OR1I1: variants seen among roughly 807,000 people sequenced by gnomAD.
OR1I1 encodes the protein olfactory receptor family 1 subfamily I member 1.
For missense variants in OR1I1, 451 were observed against 443.6 expected (o/e 1.02, Z -0.15); for synonymous variants, 171 against 181.4 (o/e 0.94, Z 0.46).
Position 15,092,734 on chromosome 19 carries a change from G to A in OR1I1, c.*4601G>A, listed in dbSNP as rs1230855132. The A allele has an allele frequency of 6.6e-6, 1 of 152,212 alleles. No individual in the cohort carries two copies. The highest frequency in any genetic ancestry group is 2.4e-5 in the African/African-American group (1 of 41,424). The allele number at this position is 152,212 out of a possible 1,614,324, so 9.4% of individuals were successfully genotyped here. On this transcript the variant is annotated 3_prime_UTR_variant, in exon 2 of 2. Coordinates refer to ENST00000641398, the MANE Select transcript of OR1I1 (RefSeq NM_001004713.2). ...CTCTAGGCCAGGTGCATTCACTCAT[G>A]CCTGTAATCCCAGCACTTTGAGAGG...
Position 15,087,182 on chromosome 19 carries a change from C to T in OR1I1, c.117C>T (p.Ile39=). 6.2e-7 allele frequency: 1 copy of T among 1,614,108 alleles called. No homozygotes were observed. The highest frequency in any genetic ancestry group is 8.5e-7 in the Non-Finnish European group (1 of 1,179,998). ...TMFLSTYLVT[I]IGNALIILAI... ...TCCTCTCCACATACCTGGTCACCATCATTGGAAATGCCCTCATTATCCTGG... is the reference window on the plus strand; with the variant it reads ...TCCTCTCCACATACCTGGTCACCATTATTGGAAATGCCCTCATTATCCTGG... Residue 39 remains isoleucine, a synonymous_variant, in exon 2 of 2, where the codon ATC becomes ATT. Transcript: ENST00000641398.
chr19:15,085,333 G>C (rs992881652), intron 1 of OR1I1, among the ~76,000 whole-genome samples: 1 of 151,350 alleles, frequency 6.6e-6, no homozygotes, highest in East Asian at 1.9e-4. Context: ...ACAACGCCTA[G>C]CTAATTTTGT....
chr19:15,084,688 A>C (rs983816396), intron 1 of OR1I1, among the ~76,000 whole-genome samples: 1 of 152,140 alleles, frequency 6.6e-6, no homozygotes, highest in Non-Finnish European at 1.5e-5. Context: ...TATGTAACAA[A>C]CCTGCACGTC....
chr19:15,082,769 G>C (rs1338290742), intron 1 of OR1I1, among the ~76,000 whole-genome samples: 1 of 104,400 alleles, frequency 9.6e-6, no homozygotes, highest in Non-Finnish European at 2.3e-5. Flanking sequence ...ATGAGTTTGG[G>C]AGCGGGGGGG....
In OR1I1 at chr19:15,088,340, G is replaced by C; in HGVS notation, c.*207G>C. 1 of 566,164 alleles carries C rather than the reference G, an allele frequency of 1.8e-6. No individual in the cohort carries two copies. Among genetic ancestry groups the C allele is most frequent in the South Asian group, 2.4e-5 (1 of 41,972 alleles). 35.1% of individuals were successfully genotyped at this position (566,164 alleles called of 1,614,324 possible). A position where few individuals can be genotyped will look rare whatever the true frequency, so the allele number is the denominator to read the frequency against. On this transcript the variant is annotated 3_prime_UTR_variant, in exon 2 of 2. Coordinates refer to ENST00000641398, the MANE Select transcript of OR1I1 (RefSeq NM_001004713.2). Reference sequence around the variant, plus strand: ...ATAAGAGTAGTTGAAAACAAGAGACGTAGCTACACTCATTTTAGTATTGAC... The same window carrying C: ...ATAAGAGTAGTTGAAAACAAGAGACCTAGCTACACTCATTTTAGTATTGAC...
At chr19:15,085,072 G>C (rs114768583) in intron 1 of OR1I1, among the ~76,000 whole-genome samples, 1 of 147,062 alleles carries the variant, frequency 6.8e-6, no homozygotes, top group East Asian at 2.0e-4. Context: ...CACATTGAAG[G>C]TGGGCTAGGC....
In OR1I1 at chr19:15,087,855, T is replaced by A. The variant is rs144766527; in HGVS notation, c.790T>A (p.Ser264Thr). ...CTTTGCTGTGTACTTACAGCCCACA[T>A]CCCCCAGCTCCTCCCAGAAGGACAA... The part of the protein sequence containing the change: ...TIFAVYLQPT[S>T]PSSSQKDKAA... The change falls in exon 2 of 2, where the codon TCC becomes ACC. Residue 264 changes from serine to threonine, a missense_variant. Ser to Thr is a moderately conservative substitution (Grantham distance 58). Coordinates refer to ENST00000641398, the MANE Select transcript of OR1I1 (RefSeq NM_001004713.2). 21,136 of 1,614,100 alleles carry A rather than the reference T, an allele frequency of 0.013. 168 individuals are homozygous for A. Among genetic ancestry groups the A allele is most frequent in the Non-Finnish European group, 0.015 (17,200 of 1,180,018 alleles).
At chr19:15,086,958 A>G in intron 1 of OR1I1, 95 bp from the exon 2 acceptor site, 11 of 1,456,246 alleles carry the variant, frequency 7.6e-6, no homozygotes, top group African/African-American at 1.4e-5. Flanking sequence ...TGGAATTTTC[A>G]CAGAACAGTA....
In OR1I1 at chr19:15,088,026, G is replaced by A. The variant is rs2046238965; in HGVS notation, c.961G>A (p.Val321Ile). ...PCPRPEQLLD[V>I]YHVPGSLLAA... is the part of the protein sequence containing the mutation. ...TCCTAGGCCAGAACAGTTATTGGAT[G>A]TTTATCATGTTCCAGGATCACTGTT... Residue 321 changes from valine to isoleucine, a missense_variant, in exon 2 of 2, where the codon GTT becomes ATT. Coordinates refer to ENST00000641398, the MANE Select transcript of OR1I1 (RefSeq NM_001004713.2). The A allele has an allele frequency of 6.2e-7, 1 of 1,613,396 alleles. No individual in the cohort carries two copies. The highest frequency in any genetic ancestry group is 8.5e-7 in the Non-Finnish European group (1 of 1,179,494).
Position 15,088,469 on chromosome 19 carries a change from A to G in OR1I1, c.*336A>G. 1 of 273,868 alleles carries G rather than the reference A, an allele frequency of 3.7e-6. No homozygotes were observed. The highest frequency in any genetic ancestry group is 4.6e-5 in the South Asian group (1 of 21,904). 17.0% of individuals were successfully genotyped at this position (273,868 alleles called of 1,614,324 possible). A position where few individuals can be genotyped will look rare whatever the true frequency, so the allele number is the denominator to read the frequency against. The stretch of plus-strand genomic sequence containing the variant: ...AGTTTGAGACCAGCCTGGGCAACAT[A>G]CAGAGACCCTATCTCCACACACACA... On this transcript the variant is annotated 3_prime_UTR_variant, in exon 2 of 2. Transcript: ENST00000641398.
In OR1I1 at chr19:15,088,307, C is replaced by A; in HGVS notation, c.*174C>A. 1.4e-6 allele frequency: 1 copy of A among 700,084 alleles called. No homozygotes were observed. Among genetic ancestry groups the A allele is most frequent in the Non-Finnish European group, 2.3e-6 (1 of 435,388 alleles). The allele number at this position is 700,084 out of a possible 1,614,324, so 43.4% of individuals were successfully genotyped here. ...CTGGAGGATCAGCCTTTTAGGATTGCTATGTGAATAAGAGTAGTTGAAAAC... is the reference window on the plus strand; with the variant it reads ...CTGGAGGATCAGCCTTTTAGGATTGATATGTGAATAAGAGTAGTTGAAAAC... On this transcript the variant is annotated 3_prime_UTR_variant, in exon 2 of 2. Transcript: ENST00000641398.
At position 15,091,381 on chromosome 19, in the gene OR1I1, C is replaced by A. The variant is rs2046255666; in HGVS notation, c.*3248C>A. ...TCTACTAAAAATACGAAAATTAGGCCGGGCACAGTGGCTCATGCCTGTAAT... is the reference window on the plus strand; with the variant it reads ...TCTACTAAAAATACGAAAATTAGGCAGGGCACAGTGGCTCATGCCTGTAAT... On this transcript the variant is annotated 3_prime_UTR_variant, in exon 2 of 2. Transcript: ENST00000641398. 1 of 152,108 alleles carries A rather than the reference C, an allele frequency of 6.6e-6. No homozygotes were observed. The highest frequency in any genetic ancestry group is 1.5e-5 in the Non-Finnish European group (1 of 68,056). The allele number at this position is 152,108 out of a possible 1,614,324, so 9.4% of individuals were successfully genotyped here.
chr19:15,085,168 ATATATATATT>A (rs1449019882), intron 1 of OR1I1, among the ~76,000 whole-genome samples: 4 of 18,824 alleles, frequency 2.1e-4, no homozygotes, highest in Admixed American at 1.0e-3. Context: ...ATATATATAT[ATATATATATT>A]TTTTTTTTTG....
chr19:15,086,928 A>C (rs973598606), intron 1 of OR1I1, 125 bp from the exon 2 acceptor site: 1 of 1,414,048 alleles, frequency 7.1e-7, no homozygotes, highest in East Asian at 2.5e-5. Flanking sequence ...ACTGAACACA[A>C]AGGAATTTGA....
chr19:15,090,889 C>T lies in OR1I1; in HGVS notation c.*2756C>T, dbSNP rs1050165876. On this transcript the variant is annotated 3_prime_UTR_variant, in exon 2 of 2. Transcript: ENST00000641398. ...GCAGGTGTAAACCACCACACTCGGC[C>T]TGATTTGTGGTACTTTGTTGCAACA... is the stretch of plus-strand genomic sequence containing the variant. 6.6e-6 allele frequency: 1 copy of T among 152,230 alleles called. No individual in the cohort carries two copies. Among genetic ancestry groups the T allele is most frequent in the Non-Finnish European group, 1.5e-5 (1 of 68,056 alleles). 9.4% of individuals were successfully genotyped at this position (152,230 alleles called of 1,614,324 possible).
rs2046235654 is a variant in OR1I1, at chr19:15,087,562, T to A, written c.497T>A (p.Leu166Gln). 3 of 1,614,066 alleles carry A rather than the reference T, an allele frequency of 1.9e-6. No homozygotes were observed. The highest frequency in any genetic ancestry group is 2.5e-6 in the Non-Finnish European group (3 of 1,180,040). ...SLIHTCLMAQ[L>Q]TFCAGSEISH... Reference sequence around the variant, plus strand: ...ATACACACCTGCCTCATGGCTCAACTGACCTTCTGCGCCGGCTCTGAAATC... The same window carrying A: ...ATACACACCTGCCTCATGGCTCAACAGACCTTCTGCGCCGGCTCTGAAATC... Residue 166 changes from leucine to glutamine, a missense_variant, in exon 2 of 2, where the codon CTG becomes CAG. Physicochemically the swap from Leu to Gln is moderately radical, Grantham distance 113. Transcript: ENST00000641398.
Position 15,083,361 on chromosome 19 carries a change from G to T in OR1I1, c.-14+1085G>T, listed in dbSNP as rs573251444. 1.1e-4 allele frequency among the ~76,000 whole-genome samples: 17 copies of T among 151,714 alleles called. 1 individual carries two copies. In the South Asian group the frequency reaches 2.5e-3, roughly 22 times the overall value. ...TTCTCCCACTTCAGCCTCCCAAAGT[G>T]CTGGGATTACAGGTGTGAGCCACCA... On this transcript the variant is annotated intron_variant, in intron 1 of 1. Coordinates refer to ENST00000641398, the MANE Select transcript of OR1I1 (RefSeq NM_001004713.2).
At chr19:15,082,779 G>A (rs1050775768) in intron 1 of OR1I1, among the ~76,000 whole-genome samples, 5 of 133,396 alleles carry the variant, frequency 3.7e-5, no homozygotes, top group African/African-American at 8.0e-5. Flanking sequence ...GAGCGGGGGG[G>A]AGGGGGCGGG....
chr19:15,085,168 A>ATT (rs1568321900), intron 1 of OR1I1, among the ~76,000 whole-genome samples: 2 of 18,824 alleles, frequency 1.1e-4, no homozygotes, highest in African/African-American at 2.5e-4. Context: ...ATATATATAT[A>ATT]TATATATATT....
Sources: allele counts gnomAD v4.1 joint callset (sites outside exome capture counted in the v4.1 genomes callset), GRCh38; gene constraint gnomAD v4.1.1; transcripts MANE v1.5; gene names NCBI Gene and HGNC (gene_info 2026-07-23, HGNC 2026-07-21).